VIT: variants seen among roughly 807,000 people sequenced by gnomAD.
The protein encoded by VIT is vitrin.
In VIT, 99 loss-of-function variants were observed where a neutral mutation model predicts 78.0. The observed-to-expected ratio is 1.27, with a 90% CI of 1.08 to 1.50. The LOEUF (loss-of-function observed/expected upper bound fraction) is 1.50. VIT is among the 40% of genes most tolerant of loss of function. The pLI, the probability that VIT is intolerant of heterozygous loss-of-function variation, is 0.00. For missense variants in VIT, 1,126 were observed against 875.3 expected (o/e 1.29, Z -3.61); for synonymous variants, 374 against 334.3 (o/e 1.12, Z -1.29).
intron 12 of VIT, among the ~76,000 whole-genome samples, chr2:36,801,100 C>T (rs1302633309): frequency 6.6e-6 from 1 of 151,328 alleles, no homozygotes; most frequent in Non-Finnish European, 1.5e-5. Context: ...GGAAATGGCA[C>T]AGTCAACACA....
chr2:36,783,331 T>G lies in VIT; in HGVS notation c.848-9T>G, dbSNP rs752192616. ...TGTAAGTCACCAAAAGTTTTACTGC[T>G]CTTTCCAGGACTTGTTCCAAAAGAA... On this transcript the variant is annotated splice_polypyrimidine_tract_variant and intron_variant, in intron 10 of 15. Coordinates refer to ENST00000379242, the MANE Select transcript of VIT (RefSeq NM_053276.4). The G allele has an allele frequency of 6.8e-6, 11 of 1,613,920 alleles. No individual in the cohort carries two copies. The highest frequency in any genetic ancestry group is 9.3e-6 in the Non-Finnish European group (11 of 1,179,932).
intron 15 of VIT, among the ~76,000 whole-genome samples, chr2:36,813,854 C>T (rs1667371456): frequency 6.6e-6 from 1 of 152,192 alleles, no homozygotes; most frequent in South Asian, 2.1e-4. Flanking sequence ...CTTCTATTCC[C>T]AAACATGAAA....
rs1438120558 is a variant in VIT at position 36,729,497 on chromosome 2, T to C, written c.118+6T>C. ...GATTAAAAGGCCCAAGTTCAGTAAG[T>C]AAAATCACAATTCCTTGCTGGCATA... On this transcript the variant is annotated splice_donor_region_variant and intron_variant, in intron 3 of 15. Coordinates refer to ENST00000379242, the MANE Select transcript of VIT (RefSeq NM_053276.4). The C allele has an allele frequency of 1.2e-6, 2 of 1,609,064 alleles. No individual in the cohort carries two copies. The highest frequency in any genetic ancestry group is 2.2e-5 in the East Asian group (1 of 44,690).
chr2:36,804,447 C>G (rs991776212), intron 13 of VIT, among the ~76,000 whole-genome samples: 4 of 152,190 alleles, frequency 2.6e-5, no homozygotes, highest in African/African-American at 7.2e-5. Flanking sequence ...CACTCCAGGT[C>G]AACTCCTCCC....
At chr2:36,766,775 A>C (rs1378864638) in intron 6 of VIT, among the ~76,000 whole-genome samples, 5 of 152,244 alleles carry the variant, frequency 3.3e-5, no homozygotes, top group Non-Finnish European at 7.3e-5. Context: ...AAAAAAATGT[A>C]CATAAACCAT....
chr2:36,716,527 T>C lies in VIT; in HGVS notation c.52+105T>C, dbSNP rs947953635. The C allele has an allele frequency of 5.6e-6, 5 of 896,518 alleles. No homozygotes were observed. In the Admixed American group the frequency reaches 7.0e-5, roughly 13 times the overall value. The allele number at this position is 896,518 out of a possible 1,614,324, so 55.5% of individuals were successfully genotyped here. On this transcript the variant is annotated intron_variant, in intron 2 of 15. Transcript: ENST00000379242. Reference sequence around the variant, plus strand: ...AAACCAAGACAGAGCATATAAACAATACAGTGTATCATTTTATAAGAAACA... The same window carrying C: ...AAACCAAGACAGAGCATATAAACAACACAGTGTATCATTTTATAAGAAACA...
At chr2:36,788,905 G>C (rs1032963716) in intron 12 of VIT, among the ~76,000 whole-genome samples, 3 of 152,190 alleles carry the variant, frequency 2.0e-5, no homozygotes, top group Admixed American at 1.3e-4. Context: ...GCATGGATTA[G>C]AGAACAAATG....
intron 1 of VIT, among the ~76,000 whole-genome samples, chr2:36,714,857 C>T (rs1666026368): frequency 6.6e-6 from 1 of 152,174 alleles, no homozygotes; most frequent in South Asian, 2.1e-4. Context: ...CAAAACAATA[C>T]AGAATGCACA....
At chr2:36,809,504 GC>G (rs1666994138) in intron 15 of VIT, among the ~76,000 whole-genome samples, 1 of 152,156 alleles carries the variant, frequency 6.6e-6, no homozygotes, top group Admixed American at 6.5e-5. Context: ...TGCAACCTCT[GC>G]CTCCCAGGTT....
intron 9 of VIT, among the ~76,000 whole-genome samples, chr2:36,775,462 ATAACCTGATTTGCATC>A (rs1426391364): frequency 6.6e-6 from 1 of 152,218 alleles, no homozygotes; most frequent in African/African-American, 2.4e-5. Flanking sequence ...AAGGAGGCAC[ATAACCTGATTTGCATC>A]TTCAATTTTT....
chr2:36,807,362 C>A (rs1226880907), intron 14 of VIT, among the ~76,000 whole-genome samples: 2 of 152,120 alleles, frequency 1.3e-5, no homozygotes, highest in African/African-American at 4.8e-5. Context: ...TCCAGCTAGT[C>A]TCCCATCCAC....
At chr2:36,697,517 TA>T (rs916591696) in intron 1 of VIT, among the ~76,000 whole-genome samples, 1 of 152,252 alleles carries the variant, frequency 6.6e-6, no homozygotes, top group African/African-American at 2.4e-5. Context: ...TGTTTACACT[TA>T]AAGTGTTTTC....
At position 36,726,834 on chromosome 2, in the gene VIT, A is replaced by AC. The variant is rs1226433386; in HGVS notation, c.53-2592_53-2591insC. Among the ~76,000 whole-genome samples the AC allele has an allele frequency of 5.2e-4, 78 of 149,724 alleles. 1 individual carries two copies. The highest frequency in any genetic ancestry group is 4.0e-3 in the South Asian group (19 of 4,710). ...ACTCTGTCTCAAAAAAAAAAAAAAA[A>AC]AAAAAAAAACAAAACCTCAGAAGAG... On this transcript the variant is annotated intron_variant, in intron 2 of 15. Coordinates refer to ENST00000379242, the MANE Select transcript of VIT (RefSeq NM_053276.4).
At chr2:36,748,297 G>T (rs74393901) in intron 4 of VIT, among the ~76,000 whole-genome samples, 1 of 152,160 alleles carries the variant, frequency 6.6e-6, no homozygotes, top group South Asian at 2.1e-4. Flanking sequence ...GAATTTTCAT[G>T]AACTATATAT....
At chr2:36,700,132 T>C (rs780518532) in intron 1 of VIT, among the ~76,000 whole-genome samples, 1 of 152,190 alleles carries the variant, frequency 6.6e-6, no homozygotes, top group Admixed American at 6.5e-5. Context: ...ATTTAGCAAA[T>C]AGATTCATGG....
intron 6 of VIT, 64 bp downstream of exon 6, chr2:36,759,110 G>T (rs777469909): frequency 1.7e-5 from 27 of 1,614,026 alleles, no homozygotes; most frequent in Non-Finnish European, 8.5e-7. Flanking sequence ...CGTGTTTTGG[G>T]AGATAGCGGA....
chr2:36,781,823 T>C lies in VIT; in HGVS notation c.847+52T>C, dbSNP rs1203787818. 5.0e-6 allele frequency: 8 copies of C among 1,602,234 alleles called. No homozygotes were observed. The South Asian group carries it at 6.6e-5, about 13-fold the overall frequency. ...CACGCGTGGATCAAGATGCGCAGGATAGCAGAACTAAGAGTCTAATAATCC... is the reference window on the plus strand; with the variant it reads ...CACGCGTGGATCAAGATGCGCAGGACAGCAGAACTAAGAGTCTAATAATCC... On this transcript the variant is annotated intron_variant, in intron 10 of 15. Transcript: ENST00000379242.
At chr2:36,718,770 G>A (rs1015985095) in intron 2 of VIT, among the ~76,000 whole-genome samples, 13 of 152,078 alleles carry the variant, frequency 8.5e-5, no homozygotes, top group African/African-American at 2.9e-4. Flanking sequence ...AAGTTCCAGG[G>A]GTCAACCATC....
chr2:36,805,404 A>T (rs376535454), intron 13 of VIT, 34 bp from the exon 14 acceptor site: 20 of 1,546,830 alleles, frequency 1.3e-5, no homozygotes, highest in Non-Finnish European at 1.7e-5. Context: ...AATCAGCGTG[A>T]TCACTCCAAG....
Sources: allele counts gnomAD v4.1 joint callset (sites outside exome capture counted in the v4.1 genomes callset), GRCh38; gene constraint gnomAD v4.1.1; transcripts MANE v1.5; gene names NCBI Gene and HGNC (gene_info 2026-07-23, HGNC 2026-07-21).